TOX4: variants seen among roughly 807,000 people sequenced by gnomAD.
The protein encoded by TOX4 is TOX high mobility group box family member 4.
TOX4 carries 12 observed loss-of-function variants against 61.0 expected under a neutral mutation model. The ratio of observed to expected loss-of-function variants is 0.20; its 90% CI spans 0.13 to 0.32. The LOEUF (loss-of-function observed/expected upper bound fraction) is 0.32, where lower values mean the gene tolerates loss of function less well. Ranked by LOEUF, TOX4 falls within the 10% of genes least tolerant of loss-of-function variation. The pLI, the probability that TOX4 is intolerant of heterozygous loss-of-function variation, is 1.00. For synonymous variants in TOX4, 268 were observed against 274.8 expected (o/e 0.98, Z 0.24); for missense variants, 499 against 753.3 (o/e 0.66, Z 3.95).
chr14:21,492,238 A>G, intron 5 of TOX4, 58 bp from the exon 6 acceptor site: 1 of 1,436,768 alleles, frequency 7.0e-7, no homozygotes, highest in Non-Finnish European at 9.6e-7. Flanking sequence ...CAGAACTATC[A>G]GTCTTTCCTA....
chr14:21,492,696 G>A lies in TOX4; in HGVS notation c.1080G>A (p.Gly360=). ...YVANQASSGA[G]GQPNITKLII... ...CAAACCAGGCATCTTCTGGAGCTGGGGGTCAGCCCAATATCACCAAGTTGA... is the reference window on the plus strand; with the variant it reads ...CAAACCAGGCATCTTCTGGAGCTGGAGGTCAGCCCAATATCACCAAGTTGA... The change falls in exon 7 of 9, where the codon GGG becomes GGA. Residue 360 remains glycine, a synonymous_variant. Transcript: ENST00000448790. The A allele has an allele frequency of 1.9e-6, 3 of 1,613,972 alleles. No homozygotes were observed. Among genetic ancestry groups the A allele is most frequent in the Non-Finnish European group, 2.5e-6 (3 of 1,180,000 alleles).
intron 2 of TOX4, among the ~76,000 whole-genome samples, chr14:21,483,785 G>A (rs371752876): frequency 1.4e-5 from 2 of 145,386 alleles, no homozygotes; most frequent in Admixed American, 6.9e-5. Flanking sequence ...CAAGAACTGC[G>A]TGGTATTTTT....
At chr14:21,489,822 C>T (rs926386752) in intron 5 of TOX4, among the ~76,000 whole-genome samples, 1 of 151,984 alleles carries the variant, frequency 6.6e-6, no homozygotes, top group African/African-American at 2.4e-5. Context: ...ACCTCGTGAT[C>T]CACCCGCCTC....
At chr14:21,481,751 A>G (rs1327898543) in intron 2 of TOX4, among the ~76,000 whole-genome samples, 2 of 152,252 alleles carry the variant, frequency 1.3e-5, no homozygotes, top group Admixed American at 6.5e-5. Context: ...CAGATATAAA[A>G]AATTAAATTA....
chr14:21,484,301 T>C (rs1051767512), intron 2 of TOX4, among the ~76,000 whole-genome samples: 1 of 150,334 alleles, frequency 6.7e-6, no homozygotes, highest in Non-Finnish European at 1.5e-5. Context: ...TAGTTTCTGC[T>C]AGCTGGAAAT....
intron 5 of TOX4, among the ~76,000 whole-genome samples, chr14:21,489,870 T>C (rs1432106412): frequency 6.7e-6 from 1 of 148,590 alleles, no homozygotes; most frequent in Non-Finnish European, 1.5e-5. Flanking sequence ...CATGAGCCAC[T>C]GCGCCCGGCC....
At position 21,499,154 on chromosome 14, in the gene TOX4, A is replaced by G; in HGVS notation, c.*2548A>G. 1 of 1,603,722 alleles carries G rather than the reference A, an allele frequency of 6.2e-7. No individual in the cohort carries two copies. Among genetic ancestry groups the G allele is most frequent in the South Asian group, 1.1e-5 (1 of 90,874 alleles). The stretch of plus-strand genomic sequence containing the variant: ...GGAACGAACCTAGGAAATAAAAACT[A>G]GCTGCTTTTTAAGTTACACAAGATT... On this transcript the variant is annotated 3_prime_UTR_variant, in exon 9 of 9. Transcript: ENST00000448790.
chr14:21,477,644 T>C, intron 2 of TOX4, 80 bp downstream of exon 2: 1 of 1,506,662 alleles, frequency 6.6e-7, no homozygotes, highest in Non-Finnish European at 9.1e-7. Context: ...GAGCACGGAC[T>C]CCGGGGACGG....
Position 21,492,654 on chromosome 14 carries a change from C to T in TOX4, c.1038C>T (p.Thr346=). The T allele has an allele frequency of 6.2e-7, 1 of 1,613,866 alleles. No homozygotes were observed. Among genetic ancestry groups the T allele is most frequent in the South Asian group, 1.1e-5 (1 of 91,080 alleles). The change falls in exon 7 of 9, where the codon ACC becomes ACT. Residue 346 remains threonine, a synonymous_variant. Transcript: ENST00000448790. ...CCCCATCCATTGTTGTTAACTCCACCCTTTCATCCTATGTGGCAAACCAGG... is the reference window on the plus strand; with the variant it reads ...CCCCATCCATTGTTGTTAACTCCACTCTTTCATCCTATGTGGCAAACCAGG... ...ALSPSIVVNS[T]LSSYVANQAS...
rs1374450945 is a variant in TOX4, at chr14:21,477,501, C to T, written c.12C>T (p.Pro4=). 8.1e-6 allele frequency: 13 copies of T among 1,613,322 alleles called. No homozygotes were observed. Among genetic ancestry groups the T allele is most frequent in the Non-Finnish European group, 1.1e-5 (13 of 1,180,028 alleles). ...GACTTTCTTTTGGTTTCCAGTTTCC[C>T]GGAGGAAATGACAATTACCTGACGA... MEF[P]GGNDNYLTIT... The change falls in exon 2 of 9, where the codon CCC becomes CCT. Residue 4 remains proline, a synonymous_variant. Coordinates refer to ENST00000448790, the MANE Select transcript of TOX4 (RefSeq NM_014828.4).
At chr14:21,490,542 T>G (rs1285902565) in intron 5 of TOX4, among the ~76,000 whole-genome samples, 1 of 152,148 alleles carries the variant, frequency 6.6e-6, no homozygotes, top group Non-Finnish European at 1.5e-5. Context: ...TAGCTACCAT[T>G]TCCCGCTTTT....
intron 8 of TOX4, 189 bp from the exon 9 acceptor site, chr14:21,496,356 TC>T (rs1297354631): frequency 4.0e-6 from 2 of 500,880 alleles, no homozygotes; most frequent in Middle Eastern, 4.8e-4. Context: ...TGAAACCCTG[TC>T]CCCACTAAAA....
Position 21,498,042 on chromosome 14 carries a change from C to T in TOX4, c.*1436C>T. ...TTTAGTTTGAACCTTCACAGCAACC[C>T]AATGAGGTAATACTCCCATTTCACA... On this transcript the variant is annotated 3_prime_UTR_variant, in exon 9 of 9. Coordinates refer to ENST00000448790, the MANE Select transcript of TOX4 (RefSeq NM_014828.4). The T allele has an allele frequency of 1.9e-6, 1 of 533,036 alleles. No individual in the cohort carries two copies. Among genetic ancestry groups the T allele is most frequent in the Non-Finnish European group, 3.3e-6 (1 of 300,314 alleles). 33.0% of individuals were successfully genotyped at this position (533,036 alleles called of 1,614,324 possible).
intron 2 of TOX4, among the ~76,000 whole-genome samples, chr14:21,486,701 AAAAG>A (rs1594426988): frequency 6.6e-6 from 1 of 152,188 alleles, no homozygotes; most frequent in African/African-American, 2.4e-5. Context: ...CCTCATTCAG[AAAAG>A]AAAGAATGTG....
In TOX4 at chr14:21,492,853, A is replaced by G. The variant is rs375917676; in HGVS notation, c.1237A>G (p.Ser413Gly). The change falls in exon 7 of 9, where the codon AGT becomes GGT. Residue 413 changes from serine to glycine, a missense_variant. Ser to Gly is a moderately conservative substitution (Grantham distance 56, BLOSUM62 0). This residue lies in a region of TOX4 where 296 missense variants were observed against 404.7 expected (regional missense o/e 0.73). Transcript: ENST00000448790. ...AACCAGTACAGCTACTATCCAGCCC[A>G]GTCAACAAGCCCAGATTGTCACTCG... is the stretch of plus-strand genomic sequence containing the variant. ...GQTSTATIQP[S>G]QQAQIVTRSV... 3.8e-5 allele frequency: 61 copies of G among 1,613,516 alleles called. No individual in the cohort carries two copies. The highest frequency in any genetic ancestry group is 5.1e-5 in the Non-Finnish European group (60 of 1,179,822).
chr14:21,494,641 T>C (rs1891361672), intron 7 of TOX4, among the ~76,000 whole-genome samples: 1 of 151,870 alleles, frequency 6.6e-6, no homozygotes, highest in East Asian at 1.9e-4. Flanking sequence ...TCCCAGCTAC[T>C]CTGGAGGCTG....
intron 5 of TOX4, among the ~76,000 whole-genome samples, chr14:21,490,764 C>T (rs1309368878): frequency 6.6e-6 from 1 of 152,202 alleles, no homozygotes; most frequent in Non-Finnish European, 1.5e-5. Flanking sequence ...TAGGCTATTA[C>T]TTGATAAGCT....
intron 2 of TOX4, among the ~76,000 whole-genome samples, chr14:21,481,093 AAAAAT>A (rs527903257): frequency 1.5e-3 from 235 of 152,346 alleles, no homozygotes; most frequent in African/African-American, 2.7e-3. Context: ...TCCGTCTCAA[AAAAAT>A]AAAATAAAAG....
chr14:21,479,073 AGTGCTAG>A (rs1162834885), intron 2 of TOX4, among the ~76,000 whole-genome samples: 5 of 150,576 alleles, frequency 3.3e-5, no homozygotes, highest in African/African-American at 1.2e-4. Context: ...AGCCTCCTAA[AGTGCTAG>A]GATTACAGGC....
Sources: gnomAD v4.1 joint callset for allele counts (sites outside exome capture counted in the v4.1 genomes callset) on GRCh38, gnomAD v4.1.1 for gene constraint, gnomAD v4.1.1 regional missense constraint, MANE v1.5 for transcripts, NCBI Gene and HGNC (gene_info 2026-07-23, HGNC 2026-07-21) for gene names.